The following NRL variants were observed in gnomAD, a reference collection of about 807,000 sequenced individuals.
NRL encodes the protein neural retina-specific leucine zipper protein.
A neutral mutation model predicts 12.5 loss-of-function variants in NRL; 16 were observed. The observed-to-expected ratio is 1.28, with a 90% CI of 0.87 to 1.95. NRL has a LOEUF of 1.95. Ranked by LOEUF, NRL falls within the 30% of genes most tolerant of loss-of-function variation. NRL has a pLI of 0.00. For missense variants in NRL, 314 were observed against 325.8 expected (o/e 0.96, Z 0.28); for synonymous variants, 142 against 150.9 (o/e 0.94, Z 0.43).
Position 24,081,187 on chromosome 14 carries a change from G to C in NRL, c.*49C>G, listed in dbSNP as rs1235559623. 7.7e-7 allele frequency: 1 copy of C among 1,300,898 alleles called. No homozygotes were observed. Among genetic ancestry groups the C allele is most frequent in the African/African-American group, 1.5e-5 (1 of 64,826 alleles). 80.6% of individuals were successfully genotyped at this position (1,300,898 alleles called of 1,614,324 possible). Reference sequence around the variant, plus strand: ...AGAACCGTGCAGCCGCCTCCTGGGCGGAGCCACCCCACCCAGCCCCCACTA... The same window carrying C: ...AGAACCGTGCAGCCGCCTCCTGGGCCGAGCCACCCCACCCAGCCCCCACTA... On this transcript the variant is annotated 3_prime_UTR_variant, in exon 3 of 3. Coordinates refer to ENST00000561028, the MANE Select transcript of NRL (RefSeq NM_001354768.3). This position sits in a 1 kb window ranked among gnomAD's most constrained non-coding sequence, Gnocchi z 4.4.
chr14:24,104,648 AAAAAC>A (rs1555342686), intron 1 of NRL, among the ~76,000 whole-genome samples: 98 of 147,854 alleles, frequency 6.6e-4, no homozygotes, highest in South Asian at 1.3e-3. Context: ...CACAAAAAAA[AAAAAC>A]AAAACAAAAC....
intron 1 of NRL, among the ~76,000 whole-genome samples, chr14:24,104,893 T>G (rs1239232617): frequency 1.3e-5 from 2 of 152,198 alleles, no homozygotes; most frequent in Admixed American, 6.5e-5. Flanking sequence ...AACACTTCTG[T>G]GGCACCTTCT....
chr14:24,081,537 A>G lies in NRL; in HGVS notation c.413T>C (p.Val138Ala), dbSNP rs1477256976. ...LAERFSDAAL[V>A]SMSVRELNRQ... is the part of the protein sequence containing the mutation. ...GTTTAGCTCCCGCACAGACATCGAG[A>G]CCAGCGCCGCGTCGGAAAACCGCTC... The change falls in exon 3 of 3, where the codon GTC (valine) becomes GCC (alanine). Residue 138 changes from valine to alanine, a missense_variant. Transcript: ENST00000561028. The surrounding 1 kb of genome is among the most constrained non-coding windows in gnomAD (Gnocchi z 4.4). 5 of 1,603,830 alleles carry G rather than the reference A, an allele frequency of 3.1e-6. No individual in the cohort carries two copies. In the African/African-American group the frequency reaches 4.0e-5, roughly 13 times the overall value.
chr14:24,094,328 G>T lies in NRL; in HGVS notation c.-27-11453C>A, dbSNP rs2036750864. 1 of 1,400,244 alleles carries T rather than the reference G, an allele frequency of 7.1e-7. No individual in the cohort carries two copies. Among genetic ancestry groups the T allele is most frequent in the South Asian group, 1.2e-5 (1 of 80,784 alleles). The allele number at this position is 1,400,244 out of a possible 1,614,324, so 86.7% of individuals were successfully genotyped here. A position where few individuals can be genotyped will look rare whatever the true frequency, so the allele number is the denominator to read the frequency against. The stretch of plus-strand genomic sequence containing the variant: ...CCTCTGCTGTGGCTCGCTTCGCCGC[G>T]CTCCCTCCTTCCCCGCCTTCCATAC... On this transcript the variant is annotated intron_variant, in intron 1 of 2. Transcript: ENST00000561028. The surrounding 1 kb of genome is among the most constrained non-coding windows in gnomAD (Gnocchi z 4.1).
chr14:24,103,244 C>G, intron 1 of NRL: 1 of 1,613,280 alleles, frequency 6.2e-7, no homozygotes, highest in Non-Finnish European at 8.5e-7. Flanking sequence ...ACTGCTGCAG[C>G]AGAACACAAA....
intron 1 of NRL, among the ~76,000 whole-genome samples, chr14:24,105,019 C>A (rs2037313489): frequency 6.6e-6 from 1 of 152,226 alleles, no homozygotes; most frequent in Non-Finnish European, 1.5e-5. Flanking sequence ...AATCAGGGGT[C>A]TCACAGCCTT....
At chr14:24,111,350 GGT>G (rs1199428977) in intron 1 of NRL, among the ~76,000 whole-genome samples, 2 of 143,162 alleles carry the variant, frequency 1.4e-5, no homozygotes, top group African/African-American at 5.6e-5. Context: ...AAGAGGCATA[GGT>G]GTTTTTTGTT....
At position 24,078,877 on chromosome 14, in the gene NRL, T is replaced by C. The variant is rs2138861052; in HGVS notation, c.*2359A>G. 6.6e-6 allele frequency among the ~76,000 whole-genome samples: 1 copy of C among 152,304 alleles called. No individual in the cohort carries two copies. Among genetic ancestry groups the C allele is most frequent in the Non-Finnish European group, 1.5e-5 (1 of 68,012 alleles). On this transcript the variant is annotated 3_prime_UTR_variant, in exon 3 of 3. Transcript: ENST00000561028. ...ATGCAGTGGCACGATTATGGCTCAC[T>C]GCATCCCCGAACTCCTGGGCTCAAG... is the stretch of plus-strand genomic sequence containing the variant.
Position 24,094,921 on chromosome 14 carries a change from C to A in NRL, c.-27-12046G>T. On this transcript the variant is annotated intron_variant, in intron 1 of 2. Transcript: ENST00000561028. The surrounding 1 kb of genome is among the most constrained non-coding windows in gnomAD (Gnocchi z 4.1). ...GGTTAAATATCCATTCCCGGCCTCT[C>A]CCGGACTGGAAGGACTGGAACCTGG... 8.8e-7 allele frequency: 1 copy of A among 1,141,598 alleles called. No individual in the cohort carries two copies. The highest frequency in any genetic ancestry group is 1.3e-5 in the South Asian group (1 of 76,936). 70.7% of individuals were successfully genotyped at this position (1,141,598 alleles called of 1,614,324 possible). A position where few individuals can be genotyped will look rare whatever the true frequency, so the allele number is the denominator to read the frequency against.
Position 24,094,286 on chromosome 14 carries a change from T to G in NRL, c.-27-11411A>C. The G allele has an allele frequency of 2.0e-6, 2 of 1,013,266 alleles. No individual in the cohort carries two copies. The highest frequency in any genetic ancestry group is 2.8e-5 in the East Asian group (1 of 35,140). The allele number at this position is 1,013,266 out of a possible 1,614,324, so 62.8% of individuals were successfully genotyped here. On this transcript the variant is annotated intron_variant, in intron 1 of 2. Transcript: ENST00000561028. The surrounding 1 kb of genome is among the most constrained non-coding windows in gnomAD (Gnocchi z 4.1). ...CCCCCGCGCCTGCCCCCCTCCTTTTTAAGCGCCTCCCGCCAGCCTCTGCTG... is the reference window on the plus strand; with the variant it reads ...CCCCCGCGCCTGCCCCCCTCCTTTTGAAGCGCCTCCCGCCAGCCTCTGCTG...
chr14:24,107,649 A>G (rs1448733079), intron 1 of NRL, among the ~76,000 whole-genome samples: 2 of 152,168 alleles, frequency 1.3e-5, no homozygotes, highest in Non-Finnish European at 2.9e-5. Context: ...TCAAGTCTCT[A>G]TCAGTCTACA....
rs879622712 is a variant in NRL at position 24,114,718 on chromosome 14, C to G, written c.-28+4G>C. On this transcript the variant is annotated splice_donor_region_variant and intron_variant, in intron 1 of 2. Coordinates refer to ENST00000561028, the MANE Select transcript of NRL (RefSeq NM_001354768.3). ...TCAGGCACCTCGCGCATTCTCCCGC[C>G]TACCTATCAATCATCGTGCTCCGCT... 8.4e-5 allele frequency: 83 copies of G among 986,024 alleles called. 1 individual carries two copies. In the Middle Eastern group the frequency reaches 2.1e-3, roughly 25 times the overall value. The allele number at this position is 986,024 out of a possible 1,614,324, so 61.1% of individuals were successfully genotyped here.
intron 1 of NRL, chr14:24,100,403 A>G: frequency 7.6e-7 from 1 of 1,311,444 alleles, no homozygotes; most frequent in Non-Finnish European, 1.0e-6. Context: ...TGGTTTTGTG[A>G]TCTGGCTAAG....
At chr14:24,097,552 G>A (rs1390772514) in intron 1 of NRL, among the ~76,000 whole-genome samples, 3 of 146,768 alleles carry the variant, frequency 2.0e-5, no homozygotes, top group African/African-American at 5.0e-5. Flanking sequence ...CAATAAGAGC[G>A]AAACTCTGTC....
At chr14:24,091,119 C>CTGTG (rs55656236) in intron 1 of NRL, among the ~76,000 whole-genome samples, 2,293 of 138,678 alleles carry the variant, frequency 0.017, 28 homozygotes, top group African/African-American at 0.03. Context: ...CAGAAAAGGC[C>CTGTG]TGTGTGTGTG....
intron 1 of NRL, chr14:24,100,378 A>G: frequency 1.4e-6 from 2 of 1,404,940 alleles, no homozygotes; most frequent in Non-Finnish European, 1.9e-6. Context: ...TTCATGTCCC[A>G]ACTCCACCAG....
chr14:24,097,590 ATTT>A (rs200681299), intron 1 of NRL, among the ~76,000 whole-genome samples: 5 of 137,844 alleles, frequency 3.6e-5, no homozygotes, highest in African/African-American at 5.3e-5. Context: ...AGAAACTGGG[ATTT>A]TTTTTTTTTT....
Position 24,081,059 on chromosome 14 carries a change from C to T in NRL, c.*177G>A, listed in dbSNP as rs2036265932. ...GGACCCCTCTCCAGAAAATGACCAG[C>T]ATCTAAATTCGGGCATGACTTGAGG... On this transcript the variant is annotated 3_prime_UTR_variant, in exon 3 of 3. Transcript: ENST00000561028. This position sits in a 1 kb window ranked among gnomAD's most constrained non-coding sequence, Gnocchi z 4.4. The T allele has an allele frequency of 7.1e-6, 3 of 420,802 alleles. No homozygotes were observed. The highest frequency in any genetic ancestry group is 2.0e-4 in the South Asian group (2 of 9,842). 26.1% of individuals were successfully genotyped at this position (420,802 alleles called of 1,614,324 possible). A position where few individuals can be genotyped will look rare whatever the true frequency, so the allele number is the denominator to read the frequency against.
At chr14:24,099,183 C>A (rs202246749) in intron 1 of NRL, 2 of 1,607,302 alleles carry the variant, frequency 1.2e-6, no homozygotes, top group Admixed American at 1.7e-5. Flanking sequence ...CTTTGCCCTA[C>A]GCATCGCCTC....
Sources: gnomAD v4.1 joint callset for allele counts (sites outside exome capture counted in the v4.1 genomes callset) on GRCh38, gnomAD v4.1.1 for gene constraint, Gnocchi (gnomAD v3.1) non-coding constraint, MANE v1.5 for transcripts, NCBI Gene and HGNC (gene_info 2026-07-23, HGNC 2026-07-21) for gene names.